The following MGMT variants were observed in gnomAD, a reference collection of about 807,000 sequenced individuals.
The protein encoded by MGMT is methylated-DNA--protein-cysteine methyltransferase.
Under a neutral mutation model 15.9 loss-of-function variants are expected in MGMT, and 14 were observed. That is an observed-to-expected ratio of 0.88 (90% CI 0.58 to 1.37). The LOEUF (loss-of-function observed/expected upper bound fraction) is 1.37, where lower values mean the gene tolerates loss of function less well. Ranked by LOEUF, MGMT falls within the 40% of genes most tolerant of loss-of-function variation. MGMT has a pLI of 0.00. For synonymous variants in MGMT, 130 were observed against 118.2 expected (o/e 1.10, Z -0.65); for missense variants, 282 against 268.1 (o/e 1.05, Z -0.36).
intron 1 of MGMT, among the ~76,000 whole-genome samples, chr10:129,516,711 C>G (rs1845742231): frequency 6.6e-6 from 1 of 152,088 alleles, no homozygotes; most frequent in Non-Finnish European, 1.5e-5. Context: ...CCAGCCCCCA[C>G]CACCAATAAC....
At chr10:129,637,616 C>T (rs1451079816) in intron 2 of MGMT, among the ~76,000 whole-genome samples, 1 of 152,144 alleles carries the variant, frequency 6.6e-6, no homozygotes, top group African/African-American at 2.4e-5. Context: ...GAGCCCTAGC[C>T]CTCAGTACGT....
rs183942344 is a variant in MGMT, at chr10:129,583,538, G to A, written c.125+47161G>A. ...CTTCCTTCCTTATCCCGGGTAGAAA[G>A]CCTGACTTTTTCTGGATAGATTGCA... On this transcript the variant is annotated intron_variant, in intron 2 of 4. Transcript: ENST00000651593. 4.6e-3 allele frequency among the ~76,000 whole-genome samples: 708 copies of A among 152,318 alleles called. 5 individuals are homozygous for A. The highest frequency in any genetic ancestry group is 0.016 in the African/African-American group (671 of 41,560).
chr10:129,739,292 G>A (rs1374660995), intron 3 of MGMT, among the ~76,000 whole-genome samples: 12 of 152,214 alleles, frequency 7.9e-5, no homozygotes. Flanking sequence ...ACTGCTGGAA[G>A]TTCTGGCTAG....
intron 2 of MGMT, among the ~76,000 whole-genome samples, chr10:129,635,341 G>A (rs1211811859): frequency 2.6e-5 from 4 of 152,158 alleles, no homozygotes; most frequent in Non-Finnish European, 4.4e-5. Context: ...CCTGGTTTCC[G>A]GGCTCACAGC....
intron 1 of MGMT, among the ~76,000 whole-genome samples, chr10:129,501,054 G>A (rs74160207): frequency 0.049 from 7,492 of 152,242 alleles, 549 homozygotes; most frequent in African/African-American, 0.16. Context: ...GTCACTTCCT[G>A]GTGTCAGAGT....
chr10:129,487,980 T>TACACAC (rs113664356), intron 1 of MGMT, among the ~76,000 whole-genome samples: 46,569 of 136,050 alleles, frequency 0.34, 8,805 homozygotes, highest in African/African-American at 0.4. Context: ...TACGCAGGTA[T>TACACAC]ACACACACAC....
chr10:129,688,216 T>C (rs576127866), intron 2 of MGMT, among the ~76,000 whole-genome samples: 1 of 152,316 alleles, frequency 6.6e-6, no homozygotes, highest in South Asian at 2.1e-4. Context: ...AGTAATGGGT[T>C]GGCTGGGCCA....
chr10:129,558,042 T>C (rs1564851611), intron 2 of MGMT, among the ~76,000 whole-genome samples: 1 of 152,132 alleles, frequency 6.6e-6, no homozygotes, highest in East Asian at 1.9e-4. Context: ...GGTTTCCCGG[T>C]TTACCTTGGC....
intron 1 of MGMT, among the ~76,000 whole-genome samples, chr10:129,530,526 G>A (rs748408726): frequency 6.6e-6 from 1 of 152,150 alleles, no homozygotes; most frequent in Non-Finnish European, 1.5e-5. Context: ...TTCCTGGTTT[G>A]TTTCCCGTTA....
At chr10:129,739,406 T>C (rs1848604360) in intron 3 of MGMT, among the ~76,000 whole-genome samples, 1 of 152,198 alleles carries the variant, frequency 6.6e-6, no homozygotes, top group Non-Finnish European at 1.5e-5. Context: ...GAAAACCCCA[T>C]TGTCTCAGCC....
At chr10:129,510,113 CACCAGT>C (rs1845665369) in intron 1 of MGMT, among the ~76,000 whole-genome samples, 1 of 152,182 alleles carries the variant, frequency 6.6e-6, no homozygotes, top group Non-Finnish European at 1.5e-5. Flanking sequence ...CTCGGGAGAA[CACCAGT>C]ACCAGGACTC....
chr10:129,627,834 G>A (rs1847168034), intron 2 of MGMT, among the ~76,000 whole-genome samples: 1 of 152,208 alleles, frequency 6.6e-6, no homozygotes, highest in Non-Finnish European at 1.5e-5. Context: ...ATTTTGTAAT[G>A]TGAGTGTGAT....
intron 2 of MGMT, among the ~76,000 whole-genome samples, chr10:129,605,523 A>G (rs975597894): frequency 2.0e-5 from 3 of 152,208 alleles, no homozygotes; most frequent in African/African-American, 7.2e-5. Context: ...AGACAATGCA[A>G]AAATCCCCAC....
At chr10:129,688,838 C>A (rs1490026272) in intron 2 of MGMT, among the ~76,000 whole-genome samples, 3 of 152,138 alleles carry the variant, frequency 2.0e-5, no homozygotes, top group Non-Finnish European at 2.9e-5. Flanking sequence ...TTAAGAGACA[C>A]GGCAAGCATC....
intron 2 of MGMT, among the ~76,000 whole-genome samples, chr10:129,553,110 A>G (rs1421367158): frequency 6.6e-6 from 1 of 152,216 alleles, no homozygotes; most frequent in African/African-American, 2.4e-5. Context: ...AATTTCTGCG[A>G]TAGGGTTCAG....
intron 3 of MGMT, among the ~76,000 whole-genome samples, chr10:129,741,086 G>A (rs1432422863): frequency 6.6e-6 from 1 of 152,106 alleles, no homozygotes; most frequent in Admixed American, 6.6e-5. Context: ...GGACCATGGC[G>A]GGCACTCTGG....
rs551292369 is a variant in MGMT, at chr10:129,659,397, G to A, written c.126-48498G>A. Among the ~76,000 whole-genome samples the A allele has an allele frequency of 4.2e-4, 64 of 151,682 alleles. No homozygotes were observed. The highest frequency in any genetic ancestry group is 1.5e-3 in the African/African-American group (63 of 41,118). On this transcript the variant is annotated intron_variant, in intron 2 of 4. Coordinates refer to ENST00000651593, the MANE Select transcript of MGMT (RefSeq NM_002412.5). This position sits in a 1 kb window ranked among gnomAD's most constrained non-coding sequence, Gnocchi z 4.1. ...AAGATACTCAGATGTAGCTGTCTCT[G>A]CCTGGGTTGTTTTCTAAATGCGTTT...
chr10:129,749,042 A>G (rs1242822821), intron 3 of MGMT, among the ~76,000 whole-genome samples: 2 of 152,120 alleles, frequency 1.3e-5, no homozygotes, highest in African/African-American at 4.8e-5. Flanking sequence ...TCCCCCATTC[A>G]GTGAGGACGT....
At chr10:129,703,678 G>A (rs947519866) in intron 2 of MGMT, among the ~76,000 whole-genome samples, 2 of 150,198 alleles carry the variant, frequency 1.3e-5, no homozygotes, top group Non-Finnish European at 2.9e-5. Flanking sequence ...CCTCGCCGGG[G>A]GGGCACCTTT....
Sources: gnomAD v4.1 joint callset for allele counts (sites outside exome capture counted in the v4.1 genomes callset) on GRCh38, gnomAD v4.1.1 for gene constraint, Gnocchi (gnomAD v3.1) non-coding constraint, MANE v1.5 for transcripts, NCBI Gene and HGNC (gene_info 2026-07-23, HGNC 2026-07-21) for gene names.